CEP112: variants seen among roughly 807,000 people sequenced by gnomAD.
CEP112 encodes the protein centrosomal protein of 112 kDa.
CEP112 carries 127 observed loss-of-function variants against 153.0 expected under a neutral mutation model. That is an observed-to-expected ratio of 0.83 (90% CI 0.72 to 0.96). The LOEUF is 0.96. Ranked by LOEUF, CEP112 falls within the 40% of genes least tolerant of loss-of-function variation. The pLI, the probability that CEP112 is intolerant of heterozygous loss-of-function variation, is 0.00. For synonymous variants in CEP112, 358 were observed against 374.4 expected (o/e 0.96, Z 0.51); for missense variants, 1,089 against 1,101.2 (o/e 0.99, Z 0.16).
At chr17:65,847,215 C>G (rs975879954) in intron 21 of CEP112, among the ~76,000 whole-genome samples, 2 of 152,164 alleles carry the variant, frequency 1.3e-5, no homozygotes, top group African/African-American at 4.8e-5. Context: ...CCCATGTCAG[C>G]TAAAAGAACT....
chr17:66,141,306 G>T (rs902581829), intron 4 of CEP112, among the ~76,000 whole-genome samples: 7 of 151,736 alleles, frequency 4.6e-5, no homozygotes, highest in Admixed American at 2.0e-4. Flanking sequence ...TTTATGATCA[G>T]ACTGTTCATC....
intron 21 of CEP112, among the ~76,000 whole-genome samples, chr17:65,757,917 A>G (rs558262278): frequency 6.6e-6 from 1 of 152,302 alleles, no homozygotes; most frequent in South Asian, 2.1e-4. Context: ...TATAGCTATC[A>G]TTTGTATATA....
intron 6 of CEP112, among the ~76,000 whole-genome samples, chr17:66,119,781 T>A (rs112168547): frequency 6.6e-6 from 1 of 152,198 alleles, no homozygotes; most frequent in African/African-American, 2.4e-5. Context: ...TGGTGGGTCA[T>A]GTGATAAATG....
At chr17:65,970,464 A>ACAT (rs1555738755) in intron 17 of CEP112, among the ~76,000 whole-genome samples, 1,288 of 12,764 alleles carry the variant, frequency 0.1, 31 homozygotes, top group South Asian at 0.39. Flanking sequence ...ATGCATGCAC[A>ACAT]CATGCATGTA....
intron 21 of CEP112, among the ~76,000 whole-genome samples, chr17:65,793,349 G>A (rs1042690985): frequency 3.3e-5 from 5 of 152,132 alleles, no homozygotes; most frequent in African/African-American, 1.2e-4. Context: ...GTGGGGAGTG[G>A]GAGAAGGGAG....
intron 1 of CEP112, among the ~76,000 whole-genome samples, chr17:66,184,305 T>C (rs889835611): frequency 6.6e-6 from 1 of 151,912 alleles, no homozygotes. Flanking sequence ...AAAAAAAAAC[T>C]GTCCTGCAAA....
intron 23 of CEP112, among the ~76,000 whole-genome samples, chr17:65,728,787 C>T (rs1301681780): frequency 2.6e-5 from 4 of 152,008 alleles, no homozygotes; most frequent in Non-Finnish European, 4.4e-5. Flanking sequence ...ATGGAGCTTG[C>T]GGGACTGGAA....
At chr17:65,870,040 A>G (rs919983343) in intron 20 of CEP112, among the ~76,000 whole-genome samples, 1 of 73,280 alleles carries the variant, frequency 1.4e-5, no homozygotes, top group Non-Finnish European at 3.3e-5. Context: ...AAAGAAAGAA[A>G]GAAAGAAAGA....
chr17:66,004,859 C>T (rs2064207362), intron 17 of CEP112, among the ~76,000 whole-genome samples: 1 of 152,158 alleles, frequency 6.6e-6, no homozygotes, highest in Non-Finnish European at 1.5e-5. Flanking sequence ...ATTACTGATT[C>T]TCTGGGAGTT....
chr17:65,942,074 T>A (rs2061521970), intron 18 of CEP112, among the ~76,000 whole-genome samples: 1 of 152,168 alleles, frequency 6.6e-6, no homozygotes, highest in South Asian at 2.1e-4. Flanking sequence ...CATGGACTGG[T>A]ACTGGTCCTT....
chr17:65,826,562 G>T (rs1254527747), intron 21 of CEP112: 1 of 1,298,040 alleles, frequency 7.7e-7, no homozygotes, highest in East Asian at 3.7e-5. Flanking sequence ...AGGGCTAAAG[G>T]GCCAGCACAC....
Position 65,760,455 on chromosome 17 carries a change from A to AT in CEP112, c.2395-9732dup, listed in dbSNP as rs533266250. 2.0e-4 allele frequency among the ~76,000 whole-genome samples: 31 copies of AT among 151,906 alleles called. No individual in the cohort carries two copies. The East Asian group carries it at 2.7e-3, about 13-fold the overall frequency. On this transcript the variant is annotated intron_variant, in intron 21 of 26. Coordinates refer to ENST00000535342, the MANE Select transcript of CEP112 (RefSeq NM_001199165.4). ...TCACCTCTATTCCTAGTTTGCTGAG[A>AT]TTTTTTTTCATGAGTGGCTGCTGAA...
At chr17:65,776,589 G>A (rs930896923) in intron 21 of CEP112, among the ~76,000 whole-genome samples, 3 of 152,202 alleles carry the variant, frequency 2.0e-5, no homozygotes, top group African/African-American at 4.8e-5. Context: ...ACTGACAGGA[G>A]ATAGCATGAC....
intron 18 of CEP112, among the ~76,000 whole-genome samples, chr17:65,956,418 A>ACACACACACACT (rs2062005798): frequency 6.6e-6 from 1 of 151,846 alleles, no homozygotes; most frequent in Non-Finnish European, 1.5e-5. Context: ...ATACACACAC[A>ACACACACACACT]CACACACACA....
intron 24 of CEP112, among the ~76,000 whole-genome samples, chr17:65,686,436 CTG>C (rs2144328609): frequency 6.6e-6 from 1 of 152,268 alleles, no homozygotes; most frequent in South Asian, 2.1e-4. Context: ...ATGGAATTTT[CTG>C]TGTGAAGTTT....
At chr17:65,649,972 A>T (rs762777776) in intron 24 of CEP112, among the ~76,000 whole-genome samples, 1 of 152,216 alleles carries the variant, frequency 6.6e-6, no homozygotes, top group Non-Finnish European at 1.5e-5. Context: ...TTTTAAGATC[A>T]AAATTAATAT....
At chr17:66,108,656 GT>G (rs2068887028) in intron 6 of CEP112, among the ~76,000 whole-genome samples, 1 of 152,122 alleles carries the variant, frequency 6.6e-6, no homozygotes, top group Admixed American at 6.5e-5. Flanking sequence ...CCTTTGTACA[GT>G]GTTAATAGGA....
chr17:65,668,263 G>A (rs1238128998), intron 24 of CEP112, among the ~76,000 whole-genome samples: 1 of 152,116 alleles, frequency 6.6e-6, no homozygotes, highest in East Asian at 1.9e-4. Context: ...CAGGGCCAAT[G>A]TTTATTTTGT....
chr17:66,125,246 G>T (rs2069788809), intron 6 of CEP112, among the ~76,000 whole-genome samples: 1 of 152,122 alleles, frequency 6.6e-6, no homozygotes, highest in South Asian at 2.1e-4. Context: ...GGGTAACTTT[G>T]TCCTAGTCTC....
Sources: allele counts gnomAD v4.1 joint callset (sites outside exome capture counted in the v4.1 genomes callset), GRCh38; gene constraint gnomAD v4.1.1; transcripts MANE v1.5; gene names NCBI Gene and HGNC (gene_info 2026-07-23, HGNC 2026-07-21).